Variants in STAMBP observed in about 807,000 individuals in gnomAD.
STAMBP encodes STAM-binding protein.
A neutral mutation model predicts 50.7 loss-of-function variants in STAMBP; 31 were observed. The ratio of observed to expected loss-of-function variants is 0.61; its 90% CI spans 0.46 to 0.83. STAMBP has a LOEUF of 0.83. STAMBP is among the 40% of genes least tolerant of loss of function. The pLI is 0.00. For synonymous variants in STAMBP, 211 were observed against 192.4 expected (o/e 1.10, Z -0.80); for missense variants, 472 against 518.9 (o/e 0.91, Z 0.88).
chr2:73,854,625 A>G (rs887559793), intron 7 of STAMBP, among the ~76,000 whole-genome samples: 19 of 152,228 alleles, frequency 1.2e-4, no homozygotes, highest in Admixed American at 3.3e-4. Context: ...ACAAGCACAC[A>G]CCACTGTGCC....
intron 2 of STAMBP, among the ~76,000 whole-genome samples, chr2:73,839,433 C>T (rs185719351): frequency 1.3e-5 from 2 of 152,148 alleles, no homozygotes; most frequent in Admixed American, 1.3e-4. Context: ...TCCTGGAACA[C>T]CAACCCTTTT....
rs982070959 is a variant in STAMBP, at chr2:73,858,432, G to A, written c.1006-822G>A. The stretch of plus-strand genomic sequence containing the variant: ...GGGGGTTACGGACATAAGCCTCCAT[G>A]CCCAGCCTGTTTTTGTTTTTTCTTT... On this transcript the variant is annotated intron_variant, in intron 7 of 9. Coordinates refer to ENST00000394070, the MANE Select transcript of STAMBP (RefSeq NM_213622.4). Among the ~76,000 whole-genome samples the A allele has an allele frequency of 3.9e-5, 6 of 151,936 alleles. 1 individual carries two copies. The highest frequency in any genetic ancestry group is 1.5e-4 in the African/African-American group (6 of 41,364).
chr2:73,855,364 TATTC>T (rs1677417693), intron 7 of STAMBP, among the ~76,000 whole-genome samples: 1 of 152,210 alleles, frequency 6.6e-6, no homozygotes, highest in Non-Finnish European at 1.5e-5. Flanking sequence ...CATAATGAAC[TATTC>T]ATTCAAGAAA....
chr2:73,838,274 C>T (rs543268968), intron 2 of STAMBP, among the ~76,000 whole-genome samples: 3 of 152,272 alleles, frequency 2.0e-5, no homozygotes, highest in African/African-American at 7.2e-5. Context: ...CCATAGACAA[C>T]ACATAAATGA....
At chr2:73,829,618 T>A (rs1673651030) in intron 1 of STAMBP, 108 bp downstream of exon 1, 1 of 152,186 alleles carries the variant, frequency 6.6e-6, no homozygotes, top group Non-Finnish European at 1.5e-5. Context: ...GCTTTCTGAG[T>A]CCCTAAGGAG....
chr2:73,857,704 A>G (rs78997562), intron 7 of STAMBP, among the ~76,000 whole-genome samples: 1,633 of 152,246 alleles, frequency 0.011, 35 homozygotes, highest in African/African-American at 0.037. Context: ...ATCATTCATC[A>G]GACACTCTAC....
chr2:73,836,391 C>A (rs7588498), intron 2 of STAMBP, among the ~76,000 whole-genome samples: 33,955 of 152,136 alleles, frequency 0.22, 4,013 homozygotes, highest in East Asian at 0.34. Flanking sequence ...GCAGCCTCCC[C>A]CTCCCCTCCA....
chr2:73,846,722 C>T (rs999072267), intron 4 of STAMBP, among the ~76,000 whole-genome samples: 3 of 151,722 alleles, frequency 2.0e-5, no homozygotes, highest in Non-Finnish European at 4.4e-5. Flanking sequence ...AGAATATGTA[C>T]ATGACACAGA....
At chr2:73,834,240 T>A (rs1341192459) in intron 2 of STAMBP, among the ~76,000 whole-genome samples, 1,807 of 18,056 alleles carry the variant, frequency 0.1, 533 homozygotes, top group East Asian at 0.26. Context: ...AAAAAAAATA[T>A]ATATATATAT....
chr2:73,862,487 GAAATT>G lies in STAMBP; in HGVS notation c.*231_*235del, dbSNP rs1470388966. On this transcript the variant is annotated 3_prime_UTR_variant, in exon 10 of 10. Coordinates refer to ENST00000394070, the MANE Select transcript of STAMBP (RefSeq NM_213622.4). ...GTCACCCAAAAGCAACTGTAACTCA[GAAATT>G]AAGTTACTCAGAAATTAAGTAGCTC... The G allele has an allele frequency of 2.6e-5, 9 of 343,582 alleles. No homozygotes were observed. The highest frequency in any genetic ancestry group is 4.2e-5 in the Non-Finnish European group (8 of 189,084). The allele number at this position is 343,582 out of a possible 1,614,324, so 21.3% of individuals were successfully genotyped here.
chr2:73,869,885 A>G (rs577706047), downstream of STAMBP, among the ~76,000 whole-genome samples: 1 of 152,338 alleles, frequency 6.6e-6, no homozygotes, highest in East Asian at 1.9e-4. Context: ...CTCCAAATGA[A>G]TAGTGTCAGA....
At chr2:73,846,120 G>C (rs1676020096) in intron 4 of STAMBP, among the ~76,000 whole-genome samples, 1 of 152,060 alleles carries the variant, frequency 6.6e-6, no homozygotes, top group Non-Finnish European at 1.5e-5. Context: ...ACAGCTATGA[G>C]GTATATACTT....
chr2:73,860,278 C>A (rs143228511), intron 9 of STAMBP, 127 bp downstream of exon 9: 1 of 737,622 alleles, frequency 1.4e-6, no homozygotes, highest in Non-Finnish European at 2.2e-6. Context: ...TGCCAGATCT[C>A]CATAATAAGG....
rs1261980866 is a variant in STAMBP at position 73,865,765 on chromosome 2, G to A, written c.*3506G>A. 1 of 152,178 alleles carries A rather than the reference G, an allele frequency of 6.6e-6. No individual in the cohort carries two copies. Among genetic ancestry groups the A allele is most frequent in the Non-Finnish European group, 1.5e-5 (1 of 68,064 alleles). The allele number at this position is 152,178 out of a possible 1,614,324, so 9.4% of individuals were successfully genotyped here. A position where few individuals can be genotyped will look rare whatever the true frequency, so the allele number is the denominator to read the frequency against. Reference sequence around the variant, plus strand: ...TACTTGTCTTTCTTGAAATGTTACAGTTGGGGTGCGGTTGCTTCTATCTTC... The same window carrying A: ...TACTTGTCTTTCTTGAAATGTTACAATTGGGGTGCGGTTGCTTCTATCTTC... On this transcript the variant is annotated 3_prime_UTR_variant, in exon 10 of 10. Coordinates refer to ENST00000394070, the MANE Select transcript of STAMBP (RefSeq NM_213622.4).
intron 2 of STAMBP, among the ~76,000 whole-genome samples, chr2:73,842,492 C>T (rs1573298713): frequency 6.6e-6 from 1 of 152,310 alleles, no homozygotes; most frequent in Non-Finnish European, 1.5e-5. Context: ...ACTGAATAGG[C>T]AGGTAAATCA....
At chr2:73,872,078 A>G (rs564310743), downstream of STAMBP, among the ~76,000 whole-genome samples, 1 of 152,284 alleles carries the variant, frequency 6.6e-6, no homozygotes, top group Non-Finnish European at 1.5e-5. Context: ...TGGCCAAGAA[A>G]AAGAACTTTT....
intron 2 of STAMBP, among the ~76,000 whole-genome samples, chr2:73,833,479 A>G (rs1204691878): frequency 2.6e-5 from 4 of 151,996 alleles, no homozygotes; most frequent in African/African-American, 9.7e-5. Context: ...ATTTTCCTGC[A>G]CAGTTTTTTT....
In STAMBP at chr2:73,844,965, T is replaced by C. The variant is rs376068357; in HGVS notation, c.279+77T>C. ...ACTGACTTCAAGATAAAAGTAGTAG[T>C]CTCTGCATCTGAGTACCAGATCCTG... On this transcript the variant is annotated intron_variant, in intron 3 of 9. Transcript: ENST00000394070. 2.6e-5 allele frequency: 40 copies of C among 1,558,208 alleles called. No homozygotes were observed. The East Asian group carries it at 7.2e-4, about 28-fold the overall frequency.
At position 73,864,021 on chromosome 2, in the gene STAMBP, C is replaced by G. The variant is rs1178396242; in HGVS notation, c.*1762C>G. ...AGAACTTTCCACTTAAAGTTCTTACCCCTGGCTATATATTCAAATATCTAG... is the reference window on the plus strand; with the variant it reads ...AGAACTTTCCACTTAAAGTTCTTACGCCTGGCTATATATTCAAATATCTAG... On this transcript the variant is annotated 3_prime_UTR_variant, in exon 10 of 10. Transcript: ENST00000394070. 1 of 152,060 alleles carries G rather than the reference C, an allele frequency of 6.6e-6. No individual in the cohort carries two copies. Among genetic ancestry groups the G allele is most frequent in the Admixed American group, 6.6e-5 (1 of 15,262 alleles). The allele number at this position is 152,060 out of a possible 1,614,324, so 9.4% of individuals were successfully genotyped here.
Sources: gnomAD v4.1 joint callset for allele counts (sites outside exome capture counted in the v4.1 genomes callset) on GRCh38, gnomAD v4.1.1 for gene constraint, MANE v1.5 for transcripts, NCBI Gene and HGNC (gene_info 2026-07-23, HGNC 2026-07-21) for gene names.